Variants in OGDH observed in about 807,000 individuals in gnomAD.
OGDH encodes the protein oxoglutarate dehydrogenase.
In OGDH, 38 loss-of-function variants were observed where a neutral mutation model predicts 116.6. The ratio of observed to expected loss-of-function variants is 0.33; its 90% CI spans 0.25 to 0.43. The LOEUF is 0.43. Among genes scored for constraint, OGDH ranks in the 20% least tolerant of loss-of-function variants. The pLI is 1.00. For synonymous variants in OGDH, 488 were observed against 533.3 expected (o/e 0.92, Z 1.17); for missense variants, 825 against 1,357.2 (o/e 0.61, Z 6.16).
At chr7:44,634,878 A>T (rs1785595161) in intron 2 of OGDH, among the ~76,000 whole-genome samples, 2 of 152,130 alleles carry the variant, frequency 1.3e-5, no homozygotes, top group South Asian at 4.1e-4. Flanking sequence ...AGCATGAATC[A>T]TTTGCTGAAG....
At chr7:44,636,982 A>G (rs1785698360) in intron 2 of OGDH, among the ~76,000 whole-genome samples, 2 of 152,026 alleles carry the variant, frequency 1.3e-5, no homozygotes, top group Non-Finnish European at 2.9e-5. Flanking sequence ...CTCTGATGCC[A>G]TTTGGTGGCA....
intron 9 of OGDH, among the ~76,000 whole-genome samples, chr7:44,677,566 A>G (rs1197678990): frequency 2.0e-5 from 3 of 152,154 alleles, no homozygotes; most frequent in Non-Finnish European, 4.4e-5. Flanking sequence ...AGTCAGGTCT[A>G]TGTTAGAAGT....
At chr7:44,620,294 T>G (rs1784963249) in intron 1 of OGDH, among the ~76,000 whole-genome samples, 1 of 152,272 alleles carries the variant, frequency 6.6e-6, no homozygotes, top group African/African-American at 2.4e-5. Context: ...GCACTGAGAT[T>G]ACAGGCGTGA....
intron 10 of OGDH, among the ~76,000 whole-genome samples, chr7:44,688,853 G>A (rs568834092): frequency 2.1e-3 from 324 of 151,918 alleles, no homozygotes; most frequent in Non-Finnish European, 3.7e-3. Context: ...GGGTTCAAAC[G>A]ATTCTAGTGC....
intron 4 of OGDH, 138 bp downstream of exon 4, chr7:44,647,897 T>A: frequency 4.7e-6 from 3 of 633,270 alleles, no homozygotes; most frequent in Non-Finnish European, 8.3e-6. Context: ...TTTATCGGTA[T>A]TGTAGCCTTA....
chr7:44,617,004 G>A (rs1458796675), intron 1 of OGDH, among the ~76,000 whole-genome samples: 4 of 144,112 alleles, frequency 2.8e-5, no homozygotes, highest in African/African-American at 5.1e-5. Context: ...GCGCGATCTC[G>A]GCTCACAGTA....
At position 44,636,681 on chromosome 7, in the gene OGDH, A is replaced by G. The variant is rs576680997; in HGVS notation, c.223-8646A>G. ...AGAAAGAGCACTGGTCACTGTGAGG[A>G]AAGTGCATTATGGTTGCATAGAATT... On this transcript the variant is annotated intron_variant, in intron 2 of 22. Coordinates refer to ENST00000222673, the MANE Select transcript of OGDH (RefSeq NM_002541.4). Among the ~76,000 whole-genome samples, 14 of 152,326 alleles carry G rather than the reference A, an allele frequency of 9.2e-5. No individual in the cohort carries two copies. The South Asian group carries it at 2.9e-3, about 32-fold the overall frequency.
Position 44,624,291 on chromosome 7 carries a change from G to GGT in OGDH, c.-27-26_-27-25insGT. ...CTCATTTTTAAAACCTTTCTTTCTT[G>GGT]TTTTTTTTTTTTTTTTTTTGTACAG... On this transcript the variant is annotated intron_variant, in intron 1 of 22. Coordinates refer to ENST00000222673, the MANE Select transcript of OGDH (RefSeq NM_002541.4). The GGT allele has an allele frequency of 4.0e-6, 3 of 757,960 alleles. No individual in the cohort carries two copies. The African/African-American group carries it at 7.5e-5, about 19-fold the overall frequency. The allele number at this position is 757,960 out of a possible 1,614,324, so 47.0% of individuals were successfully genotyped here.
rs766369797 is a variant in OGDH, at chr7:44,700,130, C to T, written c.2431-11C>T. The T allele has an allele frequency of 6.9e-5, 112 of 1,613,856 alleles. No homozygotes were observed. The highest frequency in any genetic ancestry group is 9.3e-5 in the Non-Finnish European group (110 of 1,179,872). ...TGTCCTGGCCTCTGGCCATTTCCTTCCCTGCTGCAGGACCTTAAAGAAGCC... is the reference window on the plus strand; with the variant it reads ...TGTCCTGGCCTCTGGCCATTTCCTTTCCTGCTGCAGGACCTTAAAGAAGCC... On this transcript the variant is annotated splice_polypyrimidine_tract_variant and intron_variant, in intron 18 of 22. Coordinates refer to ENST00000222673, the MANE Select transcript of OGDH (RefSeq NM_002541.4).
At chr7:44,683,478 A>G (rs1244458554) in intron 10 of OGDH, among the ~76,000 whole-genome samples, 1 of 152,024 alleles carries the variant, frequency 6.6e-6, no homozygotes, top group Non-Finnish European at 1.5e-5. Flanking sequence ...TGATCCTCCC[A>G]TCTTGGTCTC....
Position 44,693,831 on chromosome 7 carries a change from T to A in OGDH, c.1342T>A (p.Phe448Ile). 6.3e-7 allele frequency: 1 copy of A among 1,588,742 alleles called. No individual in the cohort carries two copies. Among genetic ancestry groups the A allele is most frequent in the Non-Finnish European group, 8.6e-7 (1 of 1,161,884 alleles). ...GGCTACATGTTCCTTGCAGATCGGC[T>A]TCACCACCGACCCTCGGATGGCCCG... The part of the protein sequence containing the change: ...VHVVVNNQIG[F>I]TTDPRMARSS... Residue 448 changes from phenylalanine (F) to isoleucine (I), a missense_variant, in exon 11 of 23, where the codon TTC becomes ATC. Phe to Ile is a conservative substitution (Grantham distance 21). Transcript: ENST00000222673.
chr7:44,651,610 G>A (rs1420205869), intron 4 of OGDH, among the ~76,000 whole-genome samples: 2 of 152,184 alleles, frequency 1.3e-5, no homozygotes, highest in Middle Eastern at 3.2e-3. Context: ...TGCCCAGGCT[G>A]GAGTGCAATG....
intron 5 of OGDH, 94 bp from the exon 6 acceptor site, chr7:44,673,693 A>G (rs1787568071): frequency 8.0e-7 from 1 of 1,246,368 alleles, no homozygotes; most frequent in African/African-American, 1.5e-5. Flanking sequence ...CCTCCTGCTT[A>G]TCCCCTCCTT....
intron 2 of OGDH, among the ~76,000 whole-genome samples, chr7:44,630,284 C>G (rs1184194189): frequency 1.3e-5 from 2 of 152,234 alleles, no homozygotes; most frequent in Admixed American, 6.5e-5. Context: ...AAGTTACCCT[C>G]CTAGCCGCTG....
chr7:44,652,276 T>C (rs1360969147), intron 4 of OGDH, among the ~76,000 whole-genome samples: 2 of 151,290 alleles, frequency 1.3e-5, no homozygotes, highest in Non-Finnish European at 3.0e-5. Flanking sequence ...GCCCAGCTAA[T>C]TTTTTGTATT....
chr7:44,693,945 G>T lies in OGDH; in HGVS notation c.1456G>T (p.Val486Leu), dbSNP rs1788472672. ...NSDDPEAVMY[V>L]CKVAAEWRST... ...AGATGACCCCGAGGCTGTCATGTAC[G>T]TGTGCAAAGTGGCGGCCGAGTGGAG... The change falls in exon 11 of 23, where the codon GTG becomes TTG. Residue 486 changes from valine (V) to leucine (L), a missense_variant. By Grantham distance (32) the Val-to-Leu change is conservative (BLOSUM62 1). This residue lies in a region of OGDH where 146 missense variants were observed against 317.3 expected (regional missense o/e 0.46). Transcript: ENST00000222673. 6.2e-7 allele frequency: 1 copy of T among 1,613,980 alleles called. No homozygotes were observed. The highest frequency in any genetic ancestry group is 8.5e-7 in the Non-Finnish European group (1 of 1,179,948).
At chr7:44,673,067 G>A (rs948239769) in intron 5 of OGDH, among the ~76,000 whole-genome samples, 2 of 152,120 alleles carry the variant, frequency 1.3e-5, no homozygotes, top group South Asian at 2.1e-4. Flanking sequence ...CAGTGTGAAC[G>A]TGGTACAGGA....
chr7:44,612,699 CTTAT>C (rs1475357861), intron 1 of OGDH, among the ~76,000 whole-genome samples: 1 of 149,466 alleles, frequency 6.7e-6, no homozygotes, highest in Non-Finnish European at 1.5e-5. Context: ...CTTCATTATA[CTTAT>C]TTATTATTTT....
At chr7:44,706,792 TTG>T (rs1789097482) in intron 20 of OGDH, among the ~76,000 whole-genome samples, 2 of 151,746 alleles carry the variant, frequency 1.3e-5, no homozygotes, top group South Asian at 4.2e-4. Context: ...GGCTCATTTT[TTG>T]TATTTTTTTA....
Sources: allele counts gnomAD v4.1 joint callset (sites outside exome capture counted in the v4.1 genomes callset), GRCh38; gene constraint gnomAD v4.1.1; regional missense constraint gnomAD v4.1.1; transcripts MANE v1.5; gene names NCBI Gene and HGNC (gene_info 2026-07-23, HGNC 2026-07-21).